The following FILIP1 variants were observed in gnomAD, a reference collection of about 807,000 sequenced individuals.
FILIP1 encodes the protein filamin A interacting protein 1, also known as filamin-A-interacting protein 1.
A neutral mutation model predicts 102.1 loss-of-function variants in FILIP1; 61 were observed. The observed-to-expected ratio is 0.60, with a 90% confidence interval of 0.49 to 0.74. The LOEUF is 0.74. Among genes scored for constraint, FILIP1 ranks in the 30% least tolerant of loss-of-function variants. The probability of loss-of-function intolerance (pLI) is 0.00; values close to 1 mark genes in which losing one functional copy is unlikely to be tolerated. For missense variants in FILIP1, 1,314 were observed against 1,441.2 expected, an observed-to-expected ratio of 0.91 and a Z score of 1.43; for synonymous variants, 491 against 526.9, an observed-to-expected ratio of 0.93 and a Z score of 0.93.
At chr6:75,353,954 G>T (rs1774900507) in intron 3 of FILIP1, among the ~76,000 whole-genome samples, 1 of 152,052 alleles carries the variant, frequency 6.6e-6, no homozygotes, top group South Asian at 2.1e-4. Context: ...CATATATATG[G>T]TTCCTAAACT....
At chr6:75,491,118 AATGT>A (rs1402762590) in intron 1 of FILIP1, among the ~76,000 whole-genome samples, 1 of 152,182 alleles carries the variant, frequency 6.6e-6, no homozygotes, top group African/African-American at 2.4e-5. Context: ...TCACTTCTAA[AATGT>A]ATGATCCAGA....
chr6:75,429,859 C>A (rs1381413501), intron 1 of FILIP1, among the ~76,000 whole-genome samples: 1 of 152,188 alleles, frequency 6.6e-6, no homozygotes, highest in African/African-American at 2.4e-5. Context: ...ATTTCACAAA[C>A]TTTTTTTGTG....
chr6:75,423,406 G>A (rs557788055), intron 1 of FILIP1, among the ~76,000 whole-genome samples: 9 of 152,110 alleles, frequency 5.9e-5, no homozygotes, highest in South Asian at 2.1e-4. Context: ...TACGACAATC[G>A]GTGAAGGCCA....
At chr6:75,446,171 T>C (rs2149728506) in intron 1 of FILIP1, among the ~76,000 whole-genome samples, 1 of 152,314 alleles carries the variant, frequency 6.6e-6, no homozygotes, top group East Asian at 1.9e-4. Context: ...TTTATTAGAA[T>C]ATATTTATTC....
intron 2 of FILIP1, among the ~76,000 whole-genome samples, chr6:75,384,526 T>C (rs2149646377): frequency 6.6e-6 from 1 of 152,270 alleles, no homozygotes; most frequent in South Asian, 2.1e-4. Context: ...GTGAATCTCA[T>C]ACGAGTAGGA....
chr6:75,302,571 A>G (rs1365086630), intron 6 of FILIP1, among the ~76,000 whole-genome samples: 2 of 152,160 alleles, frequency 1.3e-5, no homozygotes, highest in African/African-American at 4.8e-5. Context: ...CCAAAAGAAA[A>G]ATAGGAGAAA....
chr6:75,292,532 C>G (rs1772569230), exon 7 of FILIP1: 1 of 152,146 alleles, frequency 6.6e-6, no homozygotes, highest in Admixed American at 6.5e-5. Flanking sequence ...CTAATGGTTA[C>G]TAGGCCAAAG....
intron 1 of FILIP1, among the ~76,000 whole-genome samples, chr6:75,452,342 A>G (rs935977672): frequency 6.6e-6 from 1 of 151,324 alleles, no homozygotes; most frequent in East Asian, 1.9e-4. Flanking sequence ...CCCACCTATG[A>G]GTGAGAACAT....
At chr6:75,376,011 A>G (rs536645818) in intron 2 of FILIP1, among the ~76,000 whole-genome samples, 10 of 152,366 alleles carry the variant, frequency 6.6e-5, no homozygotes, top group Admixed American at 3.3e-4. Flanking sequence ...GGGCACAGGT[A>G]CATCCTCAAA....
chr6:75,328,778 G>A (rs372251177), intron 4 of FILIP1, among the ~76,000 whole-genome samples: 60 of 152,172 alleles, frequency 3.9e-4, no homozygotes, highest in African/African-American at 1.4e-3. Flanking sequence ...ATGAGCCACC[G>A]TGCCCAGCTA....
chr6:75,433,466 A>G (rs538951286), intron 1 of FILIP1, among the ~76,000 whole-genome samples: 1 of 152,172 alleles, frequency 6.6e-6, no homozygotes, highest in East Asian at 1.9e-4. Flanking sequence ...TTGGCTGCAT[A>G]AATGTCTTCT....
chr6:75,353,226 A>C (rs1053338646), intron 4 of FILIP1, among the ~76,000 whole-genome samples: 1 of 152,156 alleles, frequency 6.6e-6, no homozygotes, highest in East Asian at 1.9e-4. Context: ...TAAAAAATAA[A>C]AAGAAATACA....
chr6:75,378,596 G>A (rs1450095345), intron 2 of FILIP1, among the ~76,000 whole-genome samples: 1 of 152,096 alleles, frequency 6.6e-6, no homozygotes, highest in African/African-American at 2.4e-5. Flanking sequence ...TGGTCAATAG[G>A]CTATGAGAAA....
chr6:75,419,094 T>C (rs1390252097), intron 1 of FILIP1, among the ~76,000 whole-genome samples: 2 of 152,098 alleles, frequency 1.3e-5, no homozygotes, highest in Admixed American at 6.6e-5. Flanking sequence ...TAGTCATTTA[T>C]GCTGAATTAA....
chr6:75,310,274 C>CA (rs1165236186), intron 5 of FILIP1, among the ~76,000 whole-genome samples: 5 of 152,230 alleles, frequency 3.3e-5, no homozygotes, highest in Admixed American at 3.3e-4. Context: ...AAGCCTTCTC[C>CA]ATTGGCTCCT....
intron 4 of FILIP1, among the ~76,000 whole-genome samples, chr6:75,343,781 T>C (rs542642053): frequency 1.3e-5 from 2 of 152,310 alleles, no homozygotes; most frequent in East Asian, 3.9e-4. Context: ...CCAATTACTA[T>C]TGCACTATAA....
intron 4 of FILIP1, among the ~76,000 whole-genome samples, chr6:75,352,561 G>A (rs1774844097): frequency 6.6e-6 from 1 of 152,114 alleles, no homozygotes; most frequent in Non-Finnish European, 1.5e-5. Flanking sequence ...CAATGTGTCA[G>A]TCTTCAGTTG....
chr6:75,315,799 G>T (rs1164531393), intron 4 of FILIP1, among the ~76,000 whole-genome samples: 2 of 152,166 alleles, frequency 1.3e-5, no homozygotes, highest in East Asian at 3.8e-4. Flanking sequence ...CTCCACCTCT[G>T]CATCATATGA....
At chr6:75,424,412 C>T (rs1439337073) in intron 1 of FILIP1, among the ~76,000 whole-genome samples, 1 of 152,138 alleles carries the variant, frequency 6.6e-6, no homozygotes, top group East Asian at 1.9e-4. Context: ...CCCATTTCTT[C>T]CTCACACTGC....
Sources: gnomAD v4.1 joint callset for allele counts (sites outside exome capture counted in the v4.1 genomes callset) on GRCh38, gnomAD v4.1.1 for gene constraint, MANE v1.5 for transcripts, NCBI Gene and HGNC (gene_info 2026-07-23, HGNC 2026-07-21) for gene names.